The following SEPTIN6 variants were observed in gnomAD, a reference collection of about 807,000 sequenced individuals.
The protein encoded by SEPTIN6 is septin-6.
Under a neutral mutation model 33.6 loss-of-function variants are expected in SEPTIN6, and 8 were observed. The observed-to-expected ratio is 0.24, with a 90% CI of 0.14 to 0.43. The LOEUF is 0.43. Ranked by LOEUF, SEPTIN6 falls within the 20% of genes least tolerant of loss-of-function variation. The probability of loss-of-function intolerance (pLI) is 1.00; values close to 1 mark genes in which losing one functional copy is unlikely to be tolerated. For missense variants in SEPTIN6, 250 were observed against 340.8 expected, an observed-to-expected ratio of 0.73 and a Z score of 2.10; for synonymous variants, 131 against 140.0, an observed-to-expected ratio of 0.94 and a Z score of 0.45.
chrX:119,640,880 G>A, intron 5 of SEPTIN6, 92 bp from the exon 6 acceptor site: 1 of 625,031 alleles, frequency 1.6e-6, no homozygotes, highest in Non-Finnish European at 2.6e-6. Flanking sequence ...GGGGCCCCAG[G>A]CCCTCACCCT....
At chrX:119,640,183 T>G (rs2054134422) in intron 6 of SEPTIN6, among the ~76,000 whole-genome samples, 1 of 90,045 alleles carries the variant, frequency 1.1e-5, no homozygotes, top group Admixed American at 1.3e-4. Context: ...TTTTTTTTTT[T>G]TTTTTTTTTG....
chrX:119,624,561 A>G (rs1333238312), intron 10 of SEPTIN6, among the ~76,000 whole-genome samples: 2 of 111,285 alleles, frequency 1.8e-5, no homozygotes, highest in Non-Finnish European at 3.8e-5. Context: ...GGAAACAGAG[A>G]AGTGAGTTTC....
chrX:119,674,283 C>T (rs897857315), intron 2 of SEPTIN6, among the ~76,000 whole-genome samples: 24 of 110,243 alleles, frequency 2.2e-4, no homozygotes, highest in Admixed American at 9.7e-5. Flanking sequence ...ACGCCATTCT[C>T]CTGCCTCAGC....
chrX:119,671,578 G>A (rs1478813347), intron 2 of SEPTIN6, among the ~76,000 whole-genome samples: 2 of 109,784 alleles, frequency 1.8e-5, no homozygotes, highest in Non-Finnish European at 3.8e-5. Context: ...GTGAGCCACC[G>A]CGCCTGGCCC....
At chrX:119,616,598 TG>T, downstream of SEPTIN6, 1 of 702,644 alleles carries the variant, frequency 1.4e-6, no homozygotes, top group Non-Finnish European at 2.3e-6. Context: ...TTGAGTGGTG[TG>T]GTGTATGTGT....
At chrX:119,657,993 G>C (rs1461138262) in intron 3 of SEPTIN6, among the ~76,000 whole-genome samples, 5 of 111,142 alleles carry the variant, frequency 4.5e-5, no homozygotes, top group Non-Finnish European at 9.4e-5. Flanking sequence ...CGGGCGTGGT[G>C]GTGGGCGCCT....
At chrX:119,690,451 G>A (rs752764693) in intron 1 of SEPTIN6, among the ~76,000 whole-genome samples, 2 of 109,494 alleles carry the variant, frequency 1.8e-5, no homozygotes, top group African/African-American at 3.3e-5. Context: ...CTGGCCGGGA[G>A]CAGTGGCTCA....
At chrX:119,691,375 A>G (rs1156565539) in intron 1 of SEPTIN6, among the ~76,000 whole-genome samples, 1 of 112,318 alleles carries the variant, frequency 8.9e-6, no homozygotes, top group Admixed American at 9.5e-5. Flanking sequence ...GTAATCCCAG[A>G]GATTAATTCC....
downstream of SEPTIN6, chrX:119,616,057 C>T: frequency 5.5e-6 from 1 of 182,021 alleles, no homozygotes; most frequent in Admixed American, 6.9e-5. Flanking sequence ...CAAAGCTCTC[C>T]CTCCAGATCC....
chrX:119,646,392 C>T (rs770726898), intron 5 of SEPTIN6, among the ~76,000 whole-genome samples: 10 of 111,945 alleles, frequency 8.9e-5, no homozygotes, highest in Non-Finnish European at 1.7e-4. Context: ...ATTAATGGAG[C>T]TCAGTCAATT....
chrX:119,640,978 C>A (rs774994215), intron 5 of SEPTIN6, among the ~76,000 whole-genome samples, 190 bp from the exon 6 acceptor site: 1 of 112,536 alleles, frequency 8.9e-6, no homozygotes, highest in African/African-American at 3.2e-5. Flanking sequence ...CAAGCCTCTG[C>A]TGTTCAGAAA....
chrX:119,648,604 T>A (rs1388029387), intron 5 of SEPTIN6, among the ~76,000 whole-genome samples: 1 of 111,590 alleles, frequency 9.0e-6, no homozygotes, highest in East Asian at 2.8e-4. Context: ...TTGAGCCAGA[T>A]TTGTCTAAGA....
chrX:119,631,937 ATTTTTAG>A (rs2053969069), intron 8 of SEPTIN6, among the ~76,000 whole-genome samples: 1 of 107,218 alleles, frequency 9.3e-6, no homozygotes, highest in Non-Finnish European at 1.9e-5. Context: ...TAATTTTTGT[ATTTTTAG>A]CAGAGACAGG....
intron 7 of SEPTIN6, 155 bp from the exon 8 acceptor site, chrX:119,633,647 G>T: frequency 1.5e-6 from 1 of 676,382 alleles, no homozygotes; most frequent in Non-Finnish European, 2.1e-6. Context: ...CACCTGGCTT[G>T]GCCCATGACA....
At position 119,618,418 on chromosome X, in the gene SEPTIN6, A is replaced by T. The variant is rs2053699550; in HGVS notation, c.*1675T>A. The T allele has an allele frequency of 3.5e-6, 3 of 857,171 alleles. No individual in the cohort carries two copies. The Admixed American group carries it at 2.0e-4, about 57-fold the overall frequency. The allele number at this position is 857,171 out of a possible 1,213,427, so 70.6% of individuals were successfully genotyped here. On this transcript the variant is annotated 3_prime_UTR_variant, in exon 11 of 11. Transcript: ENST00000394610. ...TTTCATTTTTTTCTTTTTGCTTCCT[A>T]TTATGATCTATAATTGAAGTGAGAA...
intron 1 of SEPTIN6, among the ~76,000 whole-genome samples, chrX:119,684,503 T>TC (rs1364623908): frequency 5.9e-5 from 6 of 101,282 alleles, no homozygotes; most frequent in Non-Finnish European, 1.2e-4. Context: ...TTTTTTTTTT[T>TC]TCTGAGATGG....
At chrX:119,647,333 TCCTCC>T (rs1324123269) in intron 5 of SEPTIN6, among the ~76,000 whole-genome samples, 2 of 107,084 alleles carry the variant, frequency 1.9e-5, no homozygotes, top group African/African-American at 3.4e-5. Context: ...TCCTCTCCTC[TCCTCC>T]CCTCCCCTCC....
chrX:119,653,326 C>G (rs2054380608), intron 3 of SEPTIN6, among the ~76,000 whole-genome samples: 1 of 112,131 alleles, frequency 8.9e-6, no homozygotes, highest in Non-Finnish European at 1.9e-5. Context: ...TAATGTCCTC[C>G]TCCTTCCTAC....
chrX:119,624,755 G>A (rs768791505), intron 10 of SEPTIN6, among the ~76,000 whole-genome samples: 2 of 111,061 alleles, frequency 1.8e-5, no homozygotes, highest in African/African-American at 3.3e-5. Context: ...TGTTGCCCAG[G>A]CTAGAGTACA....
Sources: gnomAD v4.1 joint callset for allele counts (sites outside exome capture counted in the v4.1 genomes callset) on GRCh38, gnomAD v4.1.1 for gene constraint, MANE v1.5 for transcripts, NCBI Gene and HGNC (gene_info 2026-07-23, HGNC 2026-07-21) for gene names.